ELF2: variants seen among roughly 807,000 people sequenced by gnomAD.
ELF2 encodes the protein ETS-related transcription factor Elf-2.
Under a neutral mutation model 54.8 loss-of-function variants are expected in ELF2, and 11 were observed. The ratio of observed to expected loss-of-function variants is 0.20; its 90% CI spans 0.13 to 0.33. The LOEUF is 0.33. ELF2 is among the 10% of genes least tolerant of loss of function. The probability of loss-of-function intolerance (pLI) is 1.00; values close to 1 mark genes in which losing one functional copy is unlikely to be tolerated. For missense variants in ELF2, 513 were observed against 703.0 expected, an observed-to-expected ratio of 0.73 and a Z score of 3.06; for synonymous variants, 203 against 245.1, an observed-to-expected ratio of 0.83 and a Z score of 1.61.
At chr4:139,154,032 C>T (rs1740288863) in intron 1 of ELF2, among the ~76,000 whole-genome samples, 1 of 152,200 alleles carries the variant, frequency 6.6e-6, no homozygotes, top group Non-Finnish European at 1.5e-5. Context: ...GCACATGTCA[C>T]AGCTGTTCTG....
chr4:139,068,269 T>C (rs1729010765), intron 6 of ELF2, among the ~76,000 whole-genome samples: 1 of 152,212 alleles, frequency 6.6e-6, no homozygotes, highest in South Asian at 2.1e-4. Context: ...TCCGTCCGCC[T>C]CGGCCTCCCA....
At position 139,091,713 on chromosome 4, in the gene ELF2, C is replaced by T. The variant is rs142233512; in HGVS notation, c.239-18146G>A. ...CAGGATGGTCTCGAATTGCTGGATACAACCGATCCTCCCATCTTGGCCTCC... is the reference window on the plus strand; with the variant it reads ...CAGGATGGTCTCGAATTGCTGGATATAACCGATCCTCCCATCTTGGCCTCC... On this transcript the variant is annotated intron_variant, in intron 4 of 9. Coordinates refer to ENST00000686138, the MANE Select transcript of ELF2 (RefSeq NM_001331036.3). Among the ~76,000 whole-genome samples the T allele has an allele frequency of 2.0e-4, 30 of 152,162 alleles. No homozygotes were observed. The East Asian group carries it at 5.8e-3, about 29-fold the overall frequency.
At chr4:139,166,918 C>G (rs1741785683) in intron 1 of ELF2, among the ~76,000 whole-genome samples, 1 of 152,112 alleles carries the variant, frequency 6.6e-6, no homozygotes, top group Non-Finnish European at 1.5e-5. Context: ...GTTTTTATGA[C>G]TTTTATTTGA....
chr4:139,155,450 C>T (rs1490792071), intron 1 of ELF2: 3 of 152,098 alleles, frequency 2.0e-5, no homozygotes, highest in Non-Finnish European at 4.4e-5. Context: ...TCTCGGAAAA[C>T]AATAATTAAG....
chr4:139,077,567 G>A (rs1422245585), intron 4 of ELF2, among the ~76,000 whole-genome samples: 1 of 152,024 alleles, frequency 6.6e-6, no homozygotes, highest in Non-Finnish European at 1.5e-5. Context: ...TTGTAAAAGT[G>A]AGCACTATCT....
chr4:139,171,221 G>A (rs1010832370), intron 1 of ELF2, among the ~76,000 whole-genome samples: 17 of 151,876 alleles, frequency 1.1e-4, no homozygotes, highest in Non-Finnish European at 1.9e-4. Flanking sequence ...GACCCCCATC[G>A]CTACAAAAAA....
chr4:139,142,510 T>C (rs1244486504), intron 1 of ELF2, among the ~76,000 whole-genome samples: 1 of 152,120 alleles, frequency 6.6e-6, no homozygotes, highest in Admixed American at 6.5e-5. Flanking sequence ...AAAAAGATGA[T>C]CTGATTATTA....
intron 4 of ELF2, among the ~76,000 whole-genome samples, chr4:139,097,373 T>C (rs1733390498): frequency 6.6e-6 from 1 of 152,248 alleles, no homozygotes; most frequent in South Asian, 2.1e-4. Context: ...GGTGGCACTT[T>C]GGGAGGCCAA....
At chr4:139,117,202 G>A (rs1337437905) in intron 4 of ELF2, among the ~76,000 whole-genome samples, 2 of 152,152 alleles carry the variant, frequency 1.3e-5, no homozygotes, top group Non-Finnish European at 2.9e-5. Context: ...CCACTTGACA[G>A]CCAATGTTTA....
intron 1 of ELF2, among the ~76,000 whole-genome samples, chr4:139,162,736 T>C (rs1461654212): frequency 2.0e-5 from 3 of 152,168 alleles, no homozygotes; most frequent in East Asian, 3.8e-4. Flanking sequence ...TTAAATCTTA[T>C]AGAAAGACTG....
intron 3 of ELF2, among the ~76,000 whole-genome samples, chr4:139,127,326 G>A (rs1004416001): frequency 6.6e-6 from 1 of 152,168 alleles, no homozygotes; most frequent in African/African-American, 2.4e-5. Flanking sequence ...AGCACTGCCA[G>A]ATACCAGAGC....
At chr4:139,071,184 A>C (rs1022558765) in intron 6 of ELF2, among the ~76,000 whole-genome samples, 1 of 152,098 alleles carries the variant, frequency 6.6e-6, no homozygotes, top group African/African-American at 2.4e-5. Flanking sequence ...CTCTATCAGC[A>C]ATCTTAGTGT....
intron 4 of ELF2, chr4:139,084,485 G>C (rs968838422): frequency 1.0e-6 from 1 of 988,684 alleles, no homozygotes; most frequent in Non-Finnish European, 1.2e-6. Flanking sequence ...GGCCGCCGCA[G>C]CTGGCAACGC....
Position 139,146,369 on chromosome 4 carries a change from C to A in ELF2, c.-251-6872G>T, listed in dbSNP as rs562055327. Among the ~76,000 whole-genome samples the A allele has an allele frequency of 1.1e-4, 16 of 152,148 alleles. No homozygotes were observed. The East Asian group carries it at 3.1e-3, about 29-fold the overall frequency. ...GAACTACAAACACTGATGAAAGAAACCATAGATAACACAAACAAATGGAAA... is the reference window on the plus strand; with the variant it reads ...GAACTACAAACACTGATGAAAGAAAACATAGATAACACAAACAAATGGAAA... On this transcript the variant is annotated intron_variant, in intron 1 of 9. Coordinates refer to ENST00000686138, the MANE Select transcript of ELF2 (RefSeq NM_001331036.3).
At chr4:139,097,353 G>A (rs1023371200) in intron 4 of ELF2, among the ~76,000 whole-genome samples, 18 of 151,978 alleles carry the variant, frequency 1.2e-4, no homozygotes, top group African/African-American at 3.9e-4. Flanking sequence ...CAATATTTTC[G>A]GCCAGACGCG....
chr4:139,114,561 T>TCCAGTCTCACACACACACACACACA (rs70940492), intron 4 of ELF2, among the ~76,000 whole-genome samples: 2,043 of 108,550 alleles, frequency 0.019, 48 homozygotes, highest in Non-Finnish European at 0.023. Context: ...GACTTCAGTC[T>TCCAGTCTCACACACACACACACACA]CACACACACA....
intron 4 of ELF2, among the ~76,000 whole-genome samples, chr4:139,089,374 C>G (rs1030762123): frequency 6.6e-6 from 1 of 152,136 alleles, no homozygotes; most frequent in African/African-American, 2.4e-5. Flanking sequence ...CAACCAGAAC[C>G]TGCAACTACT....
chr4:139,103,733 C>T (rs959915717), intron 4 of ELF2, among the ~76,000 whole-genome samples: 1 of 152,194 alleles, frequency 6.6e-6, no homozygotes, highest in African/African-American at 2.4e-5. Flanking sequence ...TTAGAGGACA[C>T]CCAGCTGGTG....
intron 1 of ELF2, among the ~76,000 whole-genome samples, chr4:139,159,269 T>C (rs1486376558): frequency 6.6e-6 from 1 of 152,162 alleles, no homozygotes; most frequent in Non-Finnish European, 1.5e-5. Flanking sequence ...GATGGAACAC[T>C]GAACAATGAT....
Sources: gnomAD v4.1 joint callset for allele counts (sites outside exome capture counted in the v4.1 genomes callset) on GRCh38, gnomAD v4.1.1 for gene constraint, MANE v1.5 for transcripts, NCBI Gene and HGNC (gene_info 2026-07-23, HGNC 2026-07-21) for gene names.